ZNF469: variants seen among roughly 807,000 people sequenced by gnomAD.
The protein encoded by ZNF469 is zinc finger protein 469.
In ZNF469, 1 loss-of-function variant was observed where a neutral mutation model predicts 1.0. That is an observed-to-expected ratio of 1.00 (90% CI 0.35 to 4.73). ZNF469 has a LOEUF of 4.73. Ranked by LOEUF, ZNF469 falls within the 30% of genes most tolerant of loss-of-function variation. ZNF469 has a pLI of 0.16. For missense variants in ZNF469, 6,100 were observed against 5,356.3 expected, an observed-to-expected ratio of 1.14 and a Z score of -4.33; for synonymous variants, 2,703 against 2,363.4, an observed-to-expected ratio of 1.14 and a Z score of -4.17.
At chr16:88,325,791 C>T in the ZNF469 span, among the ~76,000 whole-genome samples, 38,738 of 152,164 alleles carry the variant, frequency 0.25, 5,331 homozygotes, top group Middle Eastern at 0.37. Context: ...CCTTCCTTCC[C>T]CTCTTTCTCC....
upstream of ZNF469, among the ~76,000 whole-genome samples, chr16:88,378,948 G>A (rs2092515020): frequency 4.6e-5 from 7 of 152,226 alleles, no homozygotes; most frequent in Admixed American, 4.6e-4. Flanking sequence ...CGTGGCAGGG[G>A]TGCGGCCTTG....
the ZNF469 span, among the ~76,000 whole-genome samples, chr16:88,224,227 C>T: frequency 6.6e-6 from 1 of 152,206 alleles, no homozygotes; most frequent in Non-Finnish European, 1.5e-5. Flanking sequence ...CACACAGAAC[C>T]AGCGGCCCCA....
At chr16:88,200,884 C>T in the ZNF469 span, among the ~76,000 whole-genome samples, 10 of 152,372 alleles carry the variant, frequency 6.6e-5, no homozygotes, top group Non-Finnish European at 1.3e-4. Flanking sequence ...TTCCTCCGGC[C>T]GCCCCCGGCT....
At chr16:88,279,035 A>ACACTG in the ZNF469 span, among the ~76,000 whole-genome samples, 1 of 124,784 alleles carries the variant, frequency 8.0e-6, no homozygotes, top group Non-Finnish European at 1.7e-5. Flanking sequence ...GTACCACGCC[A>ACACTG]ACGCTCAGTC....
At chr16:88,229,565 T>C in the ZNF469 span, among the ~76,000 whole-genome samples, 392 of 101,648 alleles carry the variant, frequency 3.9e-3, 6 homozygotes, top group East Asian at 0.06. Flanking sequence ...CGTGTGGATG[T>C]CACGCTTGTG....
chr16:88,397,121 C>T (rs1904708169), intron 1 of ZNF469, among the ~76,000 whole-genome samples: 2 of 152,190 alleles, frequency 1.3e-5, no homozygotes, highest in South Asian at 2.1e-4. Flanking sequence ...AAAGACGCTC[C>T]TGCAGGGAGG....
the ZNF469 span, among the ~76,000 whole-genome samples, chr16:88,218,515 C>A: frequency 5.3e-5 from 8 of 152,116 alleles, no homozygotes; most frequent in Non-Finnish European, 1.0e-4. Context: ...GAAGTCCTTG[C>A]CCACATGATT....
chr16:88,259,252 C>T, the ZNF469 span, among the ~76,000 whole-genome samples: 2 of 143,114 alleles, frequency 1.4e-5, no homozygotes, highest in African/African-American at 5.0e-5. This position sits in a 1 kb window ranked among gnomAD's most constrained non-coding sequence, Gnocchi z 4.1. Context: ...CCGACCCACC[C>T]CCCGCCCCCC....
the ZNF469 span, among the ~76,000 whole-genome samples, chr16:88,193,826 A>G: frequency 6.6e-6 from 1 of 152,196 alleles, no homozygotes; most frequent in African/African-American, 2.4e-5. Flanking sequence ...GGTGAGGCCC[A>G]TTTCCTCATA....
intron 1 of ZNF469, among the ~76,000 whole-genome samples, chr16:88,395,595 T>C (rs1303123868): frequency 6.6e-6 from 1 of 152,102 alleles, no homozygotes; most frequent in African/African-American, 2.4e-5. Context: ...CCCAGGTTCG[T>C]TGGTGTCAGG....
chr16:88,375,452 T>C, the ZNF469 span, among the ~76,000 whole-genome samples: 1 of 152,162 alleles, frequency 6.6e-6, no homozygotes, highest in South Asian at 2.1e-4. Flanking sequence ...CAGAACGAAA[T>C]ACATTAACAC....
At chr16:88,296,080 G>A in the ZNF469 span, among the ~76,000 whole-genome samples, 4 of 152,192 alleles carry the variant, frequency 2.6e-5, no homozygotes, top group South Asian at 4.1e-4. Context: ...GAGCCCGCCC[G>A]GCTGCGCCTT....
chr16:88,266,452 CG>C, the ZNF469 span, among the ~76,000 whole-genome samples: 1 of 152,144 alleles, frequency 6.6e-6, no homozygotes, highest in African/African-American at 2.4e-5. Flanking sequence ...CTCGTGTCCT[CG>C]GGGTCTCACG....
chr16:88,289,336 G>A, the ZNF469 span, among the ~76,000 whole-genome samples: 2 of 149,668 alleles, frequency 1.3e-5, no homozygotes. Flanking sequence ...GATGATGAGG[G>A]TGTTGATGAG....
the ZNF469 span, among the ~76,000 whole-genome samples, chr16:88,198,689 A>G: frequency 0.24 from 37,042 of 152,078 alleles, 5,014 homozygotes; most frequent in East Asian, 0.48. Flanking sequence ...GGCGAGCAGA[A>G]TGGGTTTTTA....
the ZNF469 span, among the ~76,000 whole-genome samples, chr16:88,112,404 G>A: frequency 1.3e-5 from 2 of 152,198 alleles, no homozygotes; most frequent in Non-Finnish European, 2.9e-5. Context: ...CCCACCAACG[G>A]GGTACGAGGG....
the ZNF469 span, among the ~76,000 whole-genome samples, chr16:88,222,277 C>T: frequency 2.0e-5 from 3 of 152,156 alleles, no homozygotes; most frequent in Admixed American, 6.5e-5. Context: ...AAAGTTGTTT[C>T]TTTGTTTTGT....
the ZNF469 span, among the ~76,000 whole-genome samples, chr16:88,322,970 C>T: frequency 2.0e-5 from 3 of 152,192 alleles, no homozygotes; most frequent in African/African-American, 4.8e-5. Context: ...GATTGGAGAA[C>T]GGCATGCTTA....
intron 1 of ZNF469, among the ~76,000 whole-genome samples, chr16:88,413,779 C>G (rs1414462011): frequency 6.6e-6 from 1 of 152,104 alleles, no homozygotes; most frequent in East Asian, 1.9e-4. Context: ...GGGCTCCGCG[C>G]CTCAGGGCCT....
Sources: allele counts gnomAD v4.1 joint callset (sites outside exome capture counted in the v4.1 genomes callset), GRCh38; gene constraint gnomAD v4.1.1; non-coding constraint Gnocchi (gnomAD v3.1); transcripts MANE v1.5; gene names NCBI Gene and HGNC (gene_info 2026-07-23, HGNC 2026-07-21).